Variants in TBC1D5 observed in about 807,000 individuals in gnomAD.
TBC1D5 encodes TBC1 domain family, member 5.
In TBC1D5, 75 loss-of-function variants were observed where a neutral mutation model predicts 100.3. That is an observed-to-expected ratio of 0.75 (90% CI 0.62 to 0.91). TBC1D5 has a LOEUF of 0.91. Among genes scored for constraint, TBC1D5 ranks in the 40% least tolerant of loss-of-function variants. The pLI is 0.00. For missense variants in TBC1D5, 910 were observed against 942.4 expected, an observed-to-expected ratio of 0.97 and a Z score of 0.45; for synonymous variants, 323 against 325.6, an observed-to-expected ratio of 0.99 and a Z score of 0.09.
At chr3:17,723,908 G>T (rs2075895134) in intron 1 of TBC1D5, among the ~76,000 whole-genome samples, 1 of 151,818 alleles carries the variant, frequency 6.6e-6, no homozygotes, top group Non-Finnish European at 1.5e-5. Flanking sequence ...AACTACATTA[G>T]AATACTTCAT....
intron 9 of TBC1D5, among the ~76,000 whole-genome samples, chr3:17,378,250 G>A (rs1484927347): frequency 6.6e-6 from 1 of 151,766 alleles, no homozygotes; most frequent in African/African-American, 2.4e-5. Context: ...CAGTATTGAA[G>A]TCCTTGGAAG....
At chr3:17,644,170 A>T (rs906562290) in intron 1 of TBC1D5, 1 of 152,140 alleles carries the variant, frequency 6.6e-6, no homozygotes, top group African/African-American at 2.4e-5. Context: ...CTTTCACAAA[A>T]GGAAAGCCCA....
chr3:17,466,303 G>A (rs918246766), intron 3 of TBC1D5, among the ~76,000 whole-genome samples: 6 of 152,232 alleles, frequency 3.9e-5, no homozygotes, highest in African/African-American at 1.2e-4. Flanking sequence ...AAAATTTAGT[G>A]AGCTTCTGCT....
At position 17,544,650 on chromosome 3, in the gene TBC1D5, G is replaced by GGAAAAAAAAA. The variant is rs1241247818; in HGVS notation, c.-35-36046_-35-36045insTTTTTTTTTC. The stretch of plus-strand genomic sequence containing the variant: ...TGGGCGACAAAGTGAGACTCCGTCT[G>GGAAAAAAAAA]AAAAAAAAAAAAAAAAAGCACCTTA... On this transcript the variant is annotated intron_variant, in intron 2 of 21. Coordinates refer to ENST00000253692, the Ensembl canonical transcript of TBC1D5. Among the ~76,000 whole-genome samples, 3 of 86,266 alleles carry GGAAAAAAAAA rather than the reference G, an allele frequency of 3.5e-5. 1 individual carries two copies. Among genetic ancestry groups the GGAAAAAAAAA allele is most frequent in the African/African-American group, 1.3e-4 (3 of 23,242 alleles). 56.6% of individuals were successfully genotyped at this position (86,266 alleles called of 152,430 possible).
At chr3:17,697,079 A>T (rs1320687627) in intron 1 of TBC1D5, among the ~76,000 whole-genome samples, 1 of 152,252 alleles carries the variant, frequency 6.6e-6, no homozygotes, top group Non-Finnish European at 1.5e-5. Flanking sequence ...AACTCTCAAT[A>T]AACTAGGTAT....
intron 13 of TBC1D5, among the ~76,000 whole-genome samples, chr3:17,310,370 T>C (rs1225335519): frequency 6.6e-6 from 1 of 152,140 alleles, no homozygotes; most frequent in Admixed American, 6.6e-5. Context: ...TAATGTATTA[T>C]CTACAATGTG....
chr3:17,210,273 C>T (rs1472180503), intron 18 of TBC1D5, among the ~76,000 whole-genome samples: 1 of 151,858 alleles, frequency 6.6e-6, no homozygotes, highest in African/African-American at 2.4e-5. Context: ...ATGCAACCTC[C>T]ACCTCCTGGG....
intron 19 of TBC1D5, among the ~76,000 whole-genome samples, chr3:17,178,870 C>A (rs1342547238): frequency 6.6e-6 from 1 of 151,912 alleles, no homozygotes; most frequent in East Asian, 1.9e-4. Flanking sequence ...GTCTTGAACT[C>A]CTGAGCTTAA....
At chr3:17,483,557 A>G (rs1302496018) in intron 3 of TBC1D5, among the ~76,000 whole-genome samples, 1 of 152,200 alleles carries the variant, frequency 6.6e-6, no homozygotes, top group Non-Finnish European at 1.5e-5. Context: ...TATTACACTA[A>G]GTTTTTTAAT....
chr3:17,442,031 A>G (rs2149550222), intron 3 of TBC1D5, among the ~76,000 whole-genome samples: 1 of 152,328 alleles, frequency 6.6e-6, no homozygotes, highest in African/African-American at 2.4e-5. Context: ...AAAGTAAATA[A>G]CAGGAGGCAT....
intron 16 of TBC1D5, among the ~76,000 whole-genome samples, chr3:17,257,199 GAC>G (rs2077790921): frequency 4.6e-5 from 7 of 152,000 alleles, no homozygotes; most frequent in African/African-American, 1.7e-4. Flanking sequence ...GGGAGGGGAA[GAC>G]AAAGGATTCC....
At chr3:17,716,412 T>G (rs1004178943) in intron 1 of TBC1D5, among the ~76,000 whole-genome samples, 1 of 151,566 alleles carries the variant, frequency 6.6e-6, no homozygotes, top group African/African-American at 2.4e-5. Context: ...ATTATGGGAT[T>G]TGGAGTCACT....
intron 13 of TBC1D5, among the ~76,000 whole-genome samples, chr3:17,353,972 G>A (rs565429895): frequency 2.8e-4 from 42 of 151,892 alleles, no homozygotes; most frequent in Non-Finnish European, 5.4e-4. Flanking sequence ...AGCATTCCAC[G>A]TTTTCTATCA....
At chr3:17,376,655 A>C (rs750296764) in intron 9 of TBC1D5, 42 bp from the exon 10 acceptor site, 126 of 1,559,746 alleles carry the variant, frequency 8.1e-5, no homozygotes, top group Non-Finnish European at 1.1e-4. Context: ...ATGGATACTC[A>C]GAGTCCATTA....
chr3:17,323,891 AG>A (rs371530297), intron 13 of TBC1D5, among the ~76,000 whole-genome samples: 2 of 152,234 alleles, frequency 1.3e-5, no homozygotes, highest in African/African-American at 4.8e-5. Flanking sequence ...AGAAAAACAA[AG>A]TTGGAGGACT....
At chr3:17,575,750 G>T (rs974613820) in intron 2 of TBC1D5, among the ~76,000 whole-genome samples, 2 of 151,978 alleles carry the variant, frequency 1.3e-5, no homozygotes, top group African/African-American at 4.8e-5. Flanking sequence ...AGGGTAATAT[G>T]TACCAACAAA....
At chr3:17,696,687 T>C (rs1237300321) in intron 1 of TBC1D5, among the ~76,000 whole-genome samples, 1 of 152,162 alleles carries the variant, frequency 6.6e-6, no homozygotes, top group African/African-American at 2.4e-5. Flanking sequence ...AAAGAGGAGC[T>C]GGTACCATTC....
intron 13 of TBC1D5, among the ~76,000 whole-genome samples, chr3:17,310,385 T>C (rs1357183314): frequency 6.6e-6 from 1 of 152,104 alleles, no homozygotes; most frequent in Non-Finnish European, 1.5e-5. Flanking sequence ...AATGTGCTGC[T>C]TTATAAATCT....
At chr3:17,354,464 T>C (rs2090998252) in intron 13 of TBC1D5, among the ~76,000 whole-genome samples, 1 of 152,100 alleles carries the variant, frequency 6.6e-6, no homozygotes, top group African/African-American at 2.4e-5. Flanking sequence ...CTTGAAAAAC[T>C]GCAAATAAAG....
Sources: allele counts gnomAD v4.1 joint callset (sites outside exome capture counted in the v4.1 genomes callset), GRCh38; gene constraint gnomAD v4.1.1; transcripts MANE v1.5; gene names NCBI Gene and HGNC (gene_info 2026-07-23, HGNC 2026-07-21).